OR4P4: variants seen among roughly 807,000 people sequenced by gnomAD.
The protein encoded by OR4P4 is olfactory receptor family 4 subfamily P member 4.
In OR4P4, 1 loss-of-function variant was observed where a neutral mutation model predicts 2.1. The observed-to-expected ratio is 0.47, with a 90% CI of 0.17 to 2.21. The LOEUF (loss-of-function observed/expected upper bound fraction) is 2.21, where lower values mean the gene tolerates loss of function less well. Among genes scored for constraint, OR4P4 ranks in the 30% most tolerant of loss-of-function variants. OR4P4 has a pLI of 0.27. For missense variants in OR4P4, 375 were observed against 376.5 expected (o/e 1.00, Z 0.03); for synonymous variants, 129 against 133.2 (o/e 0.97, Z 0.22).
Position 55,637,365 on chromosome 11 carries a change from T to A in OR4P4, c.-30-963T>A, listed in dbSNP as rs1186849711. On this transcript the variant is annotated intron_variant, in intron 1 of 1. Coordinates refer to ENST00000641760, the Ensembl canonical transcript of OR4P4. ...AGAATAATTCAAACTAGTAGTGTAT[T>A]CAATATTATAATTTTCTTCTTCAAA... Among the ~76,000 whole-genome samples the A allele has an allele frequency of 2.2e-5, 3 of 138,530 alleles. 1 individual carries two copies. The highest frequency in any genetic ancestry group is 4.8e-5 in the Non-Finnish European group (3 of 62,098). The allele number at this position is 138,530 out of a possible 152,430, so 90.9% of individuals were successfully genotyped here. A position where few individuals can be genotyped will look rare whatever the true frequency, so the allele number is the denominator to read the frequency against.
Position 55,638,812 on chromosome 11 carries a change from T to C in OR4P4, c.455T>C (p.Ile152Thr), listed in dbSNP as rs374218886. Reference sequence around the variant, plus strand: ...ATAGTTTGTTGTACTGGGGGATTTATACATTCTGCCAGTCAGTTTCTTCTC... The same window carrying C: ...ATAGTTTGTTGTACTGGGGGATTTACACATTCTGCCAGTCAGTTTCTTCTC... The change falls in exon 2 of 2, where the codon ATA (isoleucine) becomes ACA (threonine). Residue 152 changes from isoleucine to threonine, a missense_variant. Coordinates refer to ENST00000641760, the Ensembl canonical transcript of OR4P4. 5.8e-5 allele frequency: 86 copies of C among 1,491,784 alleles called. 22 individuals carry two copies. The highest frequency in any genetic ancestry group is 7.8e-5 in the Non-Finnish European group (85 of 1,096,756). The allele number at this position is 1,491,784 out of a possible 1,614,324, so 92.4% of individuals were successfully genotyped here.
In OR4P4 at chr11:55,638,452, G is replaced by A; in HGVS notation, c.95G>A (p.Cys32Tyr). ...CTCTGCTTTGTATTATTTTTGTTTT[G>A]CTACATTGCTATTTGGATGGGAAAC... The change falls in exon 2 of 2, where the codon TGC becomes TAC. Residue 32 changes from cysteine (C) to tyrosine (Y), a missense_variant. Transcript: ENST00000641760. 3.4e-6 allele frequency: 5 copies of A among 1,463,122 alleles called. 2 individuals are homozygous for A. The highest frequency in any genetic ancestry group is 4.7e-6 in the Non-Finnish European group (5 of 1,073,274). The allele number at this position is 1,463,122 out of a possible 1,614,324, so 90.6% of individuals were successfully genotyped here. A position where few individuals can be genotyped will look rare whatever the true frequency, so the allele number is the denominator to read the frequency against.
In OR4P4 at chr11:55,637,514, T is replaced by C. The variant is rs1043398232; in HGVS notation, c.-30-814T>C. 8.0e-5 allele frequency among the ~76,000 whole-genome samples: 11 copies of C among 137,560 alleles called. 2 individuals are homozygous for C. Among genetic ancestry groups the C allele is most frequent in the African/African-American group, 2.8e-4 (11 of 39,732 alleles). The allele number at this position is 137,560 out of a possible 152,430, so 90.2% of individuals were successfully genotyped here. ...AGTTCTTGAAATTCCACTATGAAAA[T>C]GAATGTCTTCTTGAAATTTCAATTT... On this transcript the variant is annotated intron_variant, in intron 1 of 1. Transcript: ENST00000641760.
chr11:55,639,555 A>G, exon 2 of OR4P4: 1 of 325,264 alleles, frequency 3.1e-6, no homozygotes. Context: ...ATAAAGGATT[A>G]CATGGCGTTG....
chr11:55,637,591 A>G lies in OR4P4; in HGVS notation c.-30-737A>G, dbSNP rs1019037311. On this transcript the variant is annotated intron_variant, in intron 1 of 1. Transcript: ENST00000641760. ...TTGGTAACAATGTTAACTTGGTAAC[A>G]TGGAGAGATGAGGAAGAAATTTAAG... Among the ~76,000 whole-genome samples the G allele has an allele frequency of 4.3e-5, 6 of 138,026 alleles. 2 individuals carry two copies. Among genetic ancestry groups the G allele is most frequent in the African/African-American group, 1.3e-4 (5 of 39,886 alleles). 90.6% of individuals were successfully genotyped at this position (138,026 alleles called of 152,430 possible).
At position 55,638,727 on chromosome 11, in the gene OR4P4, A is replaced by T. The variant is rs775498496; in HGVS notation, c.370A>T (p.Ile124Phe). The stretch of plus-strand genomic sequence containing the variant: ...GATGGCCTATGACCGCTATGTGGCC[A>T]TTTGCAAGCCCCTGCACTACACCAT... The change falls in exon 2 of 2, where the codon ATT becomes TTT. Residue 124 changes from isoleucine to phenylalanine, a missense_variant. Ile to Phe is a conservative substitution (Grantham distance 21). Coordinates refer to ENST00000641760, the Ensembl canonical transcript of OR4P4. 20 of 1,493,090 alleles carry T rather than the reference A, an allele frequency of 1.3e-5. 6 individuals are homozygous for T. The highest frequency in any genetic ancestry group is 1.8e-5 in the Non-Finnish European group (20 of 1,098,048). 92.5% of individuals were successfully genotyped at this position (1,493,090 alleles called of 1,614,324 possible). A position where few individuals can be genotyped will look rare whatever the true frequency, so the allele number is the denominator to read the frequency against.
At chr11:55,638,359 T>G in exon 2 of OR4P4, 1 of 1,325,946 alleles carries the variant, frequency 7.5e-7, no homozygotes, top group Non-Finnish European at 1.0e-6. Context: ...CACTGGACCA[T>G]GGAAAAAAGC....
chr11:55,638,781 A>G lies in OR4P4; in HGVS notation c.424A>G (p.Ile142Val), dbSNP rs751590055. Reference sequence around the variant, plus strand: ...TATGAGCAGGCAAAAGTGTAACACAATCATCATAGTTTGTTGTACTGGGGG... The same window carrying G: ...TATGAGCAGGCAAAAGTGTAACACAGTCATCATAGTTTGTTGTACTGGGGG... Residue 142 changes from isoleucine to valine, a missense_variant, in exon 2 of 2, where the codon ATC (isoleucine) becomes GTC (valine). Coordinates refer to ENST00000641760, the Ensembl canonical transcript of OR4P4. 13 of 1,492,584 alleles carry G rather than the reference A, an allele frequency of 8.7e-6. 1 individual carries two copies. In the Admixed American group the frequency reaches 1.4e-4, roughly 16 times the overall value. The allele number at this position is 1,492,584 out of a possible 1,614,324, so 92.5% of individuals were successfully genotyped here.
rs1243565136 is a variant in OR4P4 at position 55,638,313 on chromosome 11, A to G, written c.-30-15A>G. Reference sequence around the variant, plus strand: ...TTAACAAAGACTTGTAAGCTTATAAATTATGTCATTTCAGGTGACTTATAT... The same window carrying G: ...TTAACAAAGACTTGTAAGCTTATAAGTTATGTCATTTCAGGTGACTTATAT... On this transcript the variant is annotated splice_polypyrimidine_tract_variant and intron_variant, in intron 1 of 1. Coordinates refer to ENST00000641760, the Ensembl canonical transcript of OR4P4. The G allele has an allele frequency of 3.4e-6, 3 of 875,002 alleles. No individual in the cohort carries two copies. The highest frequency in any genetic ancestry group is 3.4e-6 in the Non-Finnish European group (2 of 591,284). 54.2% of individuals were successfully genotyped at this position (875,002 alleles called of 1,614,324 possible). A position where few individuals can be genotyped will look rare whatever the true frequency, so the allele number is the denominator to read the frequency against.
exon 2 of OR4P4, chr11:55,638,377 G>T: frequency 7.2e-7 from 1 of 1,391,136 alleles, no homozygotes; most frequent in Non-Finnish European, 9.7e-7. Flanking sequence ...AGCAATAATA[G>T]CACTTTGTTT....
chr11:55,639,537 T>A, exon 2 of OR4P4: 1 of 329,398 alleles, frequency 3.0e-6, no homozygotes. Context: ...CCAGAAAATT[T>A]CTTAAAAATA....
chr11:55,637,188 G>T (rs1427828051), intron 1 of OR4P4, among the ~76,000 whole-genome samples: 1 of 138,092 alleles, frequency 7.2e-6, no homozygotes, highest in Non-Finnish European at 1.6e-5. Context: ...CACTGGTTTT[G>T]TCTGAGAACA....
At chr11:55,636,587 T>A (rs1858391331) in intron 1 of OR4P4, among the ~76,000 whole-genome samples, 1 of 137,172 alleles carries the variant, frequency 7.3e-6, no homozygotes, top group Admixed American at 7.9e-5. Context: ...GGTGAGAGGG[T>A]TATAAATTCA....
exon 2 of OR4P4, chr11:55,638,805 G>A (rs1858422544): frequency 6.7e-7 from 1 of 1,491,290 alleles, no homozygotes; most frequent in Non-Finnish European, 9.1e-7. Context: ...TTGTACTGGG[G>A]GATTTATACA....
At chr11:55,635,163 A>G (rs1216984814) in exon 1 of OR4P4, 1 of 137,906 alleles carries the variant, frequency 7.3e-6, no homozygotes, top group Non-Finnish European at 1.6e-5. Flanking sequence ...CTTTGTATTA[A>G]ATAGGATTCA....
chr11:55,639,618 A>C lies in OR4P4; in HGVS notation c.*322A>C, dbSNP rs189281837. 7.5e-5 allele frequency: 16 copies of C among 214,684 alleles called. 1 individual carries two copies. The East Asian group carries it at 1.9e-3, about 26-fold the overall frequency. 13.3% of individuals were successfully genotyped at this position (214,684 alleles called of 1,614,324 possible). ...TTTTTTGTGCCTTAAAGTTCTGAGA[A>C]GATCAATGAAATATTACTCTCAGCT... On this transcript the variant is annotated 3_prime_UTR_variant, in exon 2 of 2. Transcript: ENST00000641760.
rs1412134412 is a variant in OR4P4 at position 55,635,874 on chromosome 11, C to G, written c.-31+658C>G. On this transcript the variant is annotated intron_variant, in intron 1 of 1. Transcript: ENST00000641760. ...AAGACATTTTTGGATTAAATGAACA[C>G]TAAGCTTAAGGAGGACCTGATTGTC... Among the ~76,000 whole-genome samples, 35 of 137,238 alleles carry G rather than the reference C, an allele frequency of 2.6e-4. 3 individuals carry two copies. Among genetic ancestry groups the G allele is most frequent in the African/African-American group, 8.6e-4 (34 of 39,710 alleles). 90.0% of individuals were successfully genotyped at this position (137,238 alleles called of 152,430 possible). A position where few individuals can be genotyped will look rare whatever the true frequency, so the allele number is the denominator to read the frequency against.
chr11:55,639,285 CAACT>C lies in OR4P4; in HGVS notation c.929_932del (p.Gln310LeufsTer16), dbSNP rs571114843. 1.4e-4 allele frequency: 197 copies of C among 1,419,686 alleles called. 11 individuals carry two copies. In the African/African-American group the frequency reaches 2.5e-3, roughly 18 times the overall value. The allele number at this position is 1,419,686 out of a possible 1,614,324, so 87.9% of individuals were successfully genotyped here. On this transcript the variant is annotated frameshift_variant, in exon 2 of 2. Transcript: ENST00000641760. LOFTEE classifies it high-confidence loss of function. ...TTGTCAAATACTCCTGAAAAGAAAT[CAACT>C]TTTCTGAATTGTTTCTGCTTTTCAT...
rs116315391 is a variant in OR4P4, at chr11:55,639,401, G to A, written c.*105G>A. On this transcript the variant is annotated 3_prime_UTR_variant, in exon 2 of 2. Coordinates refer to ENST00000641760, the Ensembl canonical transcript of OR4P4. ...GGAGAGAAAAGTGGGCAAACAGGAA[G>A]CATATCCCTTCTGTGGTTTTATACT... is the stretch of plus-strand genomic sequence containing the variant. 3.6e-3 allele frequency: 2,238 copies of A among 619,342 alleles called. 276 individuals carry two copies. In the African/African-American group the frequency reaches 0.038, roughly 11 times the overall value. The allele number at this position is 619,342 out of a possible 1,614,324, so 38.4% of individuals were successfully genotyped here. A position where few individuals can be genotyped will look rare whatever the true frequency, so the allele number is the denominator to read the frequency against.
Sources: allele counts gnomAD v4.1 joint callset (sites outside exome capture counted in the v4.1 genomes callset), GRCh38; gene constraint gnomAD v4.1.1; transcripts MANE v1.5; gene names NCBI Gene and HGNC (gene_info 2026-07-23, HGNC 2026-07-21).